Variants in TUFT1 observed in about 807,000 individuals in gnomAD.
The protein encoded by TUFT1 is tuftelin 1.
In TUFT1, 43 loss-of-function variants were observed where a neutral mutation model predicts 57.8. That is an observed-to-expected ratio of 0.74 (90% CI 0.58 to 0.96). TUFT1 has a LOEUF of 0.96. TUFT1 is among the 40% of genes least tolerant of loss of function. The pLI, the probability that TUFT1 is intolerant of heterozygous loss-of-function variation, is 0.00. For missense variants in TUFT1, 459 were observed against 489.0 expected (o/e 0.94, Z 0.58); for synonymous variants, 166 against 176.7 (o/e 0.94, Z 0.48).
chr1:151,567,880 G>GT (rs1288036811), intron 6 of TUFT1, among the ~76,000 whole-genome samples: 13 of 152,176 alleles, frequency 8.5e-5, no homozygotes, highest in South Asian at 6.2e-4. Flanking sequence ...GTGTTATTAT[G>GT]TTTTTTTGTG....
intron 1 of TUFT1, among the ~76,000 whole-genome samples, chr1:151,561,289 T>C (rs1389105048): frequency 1.3e-5 from 2 of 152,060 alleles, no homozygotes; most frequent in East Asian, 1.9e-4. Context: ...TGAGCCACCG[T>C]GCCCGGCCTT....
rs1226890433 is a variant in TUFT1 at position 151,563,978 on chromosome 1, G to C, written c.312G>C (p.Gln104His). ...KNINQLKSEV[Q>H]YIQEARNCLQ... ...TTAACCAGCTGAAGAGTGAGGTCCAGTACATCCAGGAGGTGGGCACCCCTT... is the reference window on the plus strand; with the variant it reads ...TTAACCAGCTGAAGAGTGAGGTCCACTACATCCAGGAGGTGGGCACCCCTT... The change falls in exon 4 of 13, where the codon CAG becomes CAC. Residue 104 changes from glutamine to histidine, a missense_variant. By Grantham distance (24) the Gln-to-His change is conservative. Transcript: ENST00000368849. 2 of 1,613,968 alleles carry C rather than the reference G, an allele frequency of 1.2e-6. No individual in the cohort carries two copies. Among genetic ancestry groups the C allele is most frequent in the Admixed American group, 3.3e-5 (2 of 59,988 alleles).
chr1:151,566,117 T>C (rs972907544), intron 5 of TUFT1, 46 bp from the exon 6 acceptor site: 9 of 1,397,036 alleles, frequency 6.4e-6, no homozygotes, highest in Admixed American at 2.0e-5. Flanking sequence ...TCAAAGTTGG[T>C]TGCTTTCATC....
chr1:151,555,210 T>C (rs1665647433), intron 1 of TUFT1, among the ~76,000 whole-genome samples: 1 of 150,888 alleles, frequency 6.6e-6, no homozygotes, highest in African/African-American at 2.4e-5. Flanking sequence ...ACACCTGTAA[T>C]CCCAGCTACT....
At chr1:151,576,552 G>A (rs541617203) in intron 9 of TUFT1, among the ~76,000 whole-genome samples, 1 of 152,260 alleles carries the variant, frequency 6.6e-6, no homozygotes, top group South Asian at 2.1e-4. Flanking sequence ...ATAAATTGGG[G>A]GTTCCCATAT....
intron 7 of TUFT1, among the ~76,000 whole-genome samples, chr1:151,573,520 G>A (rs893518020): frequency 2.6e-5 from 4 of 152,176 alleles, no homozygotes; most frequent in African/African-American, 4.8e-5. Flanking sequence ...CAAGGCGGGC[G>A]GATCACCTGA....
At chr1:151,549,203 T>C (rs1238782388) in intron 1 of TUFT1, among the ~76,000 whole-genome samples, 2 of 152,180 alleles carry the variant, frequency 1.3e-5, no homozygotes, top group African/African-American at 4.8e-5. Context: ...GAGTACCCAG[T>C]AGAGACCCCC....
chr1:151,557,629 G>A lies in TUFT1; in HGVS notation c.61-4462G>A, dbSNP rs1167630308. ...CCGAGGCTACGTGAAGGAACAGTTT[G>A]CCTGGAGACATTTCCACTGGTACGT... On this transcript the variant is annotated intron_variant, in intron 1 of 12. Coordinates refer to ENST00000368849, the MANE Select transcript of TUFT1 (RefSeq NM_020127.3). 15 of 1,052,552 alleles carry A rather than the reference G, an allele frequency of 1.4e-5. No homozygotes were observed. The Admixed American group carries it at 2.5e-4, about 18-fold the overall frequency. The allele number at this position is 1,052,552 out of a possible 1,614,324, so 65.2% of individuals were successfully genotyped here.
chr1:151,566,862 T>C (rs544679755), intron 6 of TUFT1, among the ~76,000 whole-genome samples: 2 of 152,288 alleles, frequency 1.3e-5, no homozygotes, highest in South Asian at 4.1e-4. Flanking sequence ...TCTACCTCAT[T>C]CTTTTGAATA....
At chr1:151,545,713 C>T (rs1046018155) in intron 1 of TUFT1, 24 of 407,962 alleles carry the variant, frequency 5.9e-5, no homozygotes, top group South Asian at 3.2e-4. Flanking sequence ...GTTTCTTTCT[C>T]GTTTCCTTGA....
chr1:151,553,839 T>C (rs1022150929), intron 1 of TUFT1, among the ~76,000 whole-genome samples: 4 of 152,128 alleles, frequency 2.6e-5, no homozygotes, highest in African/African-American at 9.7e-5. Context: ...ATCCATTTCA[T>C]GTTAGTCATT....
chr1:151,568,073 C>G lies in TUFT1; in HGVS notation c.481-1584C>G, dbSNP rs1282481839. On this transcript the variant is annotated intron_variant, in intron 6 of 12. Transcript: ENST00000368849. ...ATACATTGTACAGTATGTAGCATTTCTTTATAATTTTTTTTTTGTTTCTTT... is the reference window on the plus strand; with the variant it reads ...ATACATTGTACAGTATGTAGCATTTGTTTATAATTTTTTTTTTGTTTCTTT... Among the ~76,000 whole-genome samples the G allele has an allele frequency of 1.4e-4, 21 of 152,090 alleles. No homozygotes were observed. In the East Asian group the frequency reaches 4.0e-3, roughly 29 times the overall value.
At chr1:151,561,309 A>C (rs1490166011) in intron 1 of TUFT1, among the ~76,000 whole-genome samples, 2 of 152,006 alleles carry the variant, frequency 1.3e-5, no homozygotes, top group Non-Finnish European at 2.9e-5. Flanking sequence ...TTTTAAAAAA[A>C]TCTTCTTTGA....
chr1:151,562,829 T>G (rs900163790), intron 3 of TUFT1, 143 bp downstream of exon 3: 1 of 673,774 alleles, frequency 1.5e-6, no homozygotes, highest in African/African-American at 1.8e-5. Context: ...CCTGGCAATC[T>G]CCTAGAAATA....
rs1558014039 is a variant in TUFT1 at position 151,574,277 on chromosome 1, T to C, written c.602T>C (p.Leu201Pro). 6.2e-7 allele frequency: 1 copy of C among 1,613,892 alleles called. No homozygotes were observed. The change falls in exon 8 of 13, where the codon CTC becomes CCC. Residue 201 changes from leucine to proline, a missense_variant. By Grantham distance (98) the Leu-to-Pro change is moderately conservative. Transcript: ENST00000368849. Reference sequence around the variant, plus strand: ...TCCTGCTCCGTGTTTTAGGTCACACTCAGCCGGTACCAGAGGGAAGCAGAA... The same window carrying C: ...TCCTGCTCCGTGTTTTAGGTCACACCCAGCCGGTACCAGAGGGAAGCAGAA... The part of the protein sequence containing the change: ...QSDCVAFEVT[L>P]SRYQREAEQS...
intron 4 of TUFT1, 94 bp downstream of exon 4, chr1:151,564,084 C>T (rs1665987177): frequency 9.6e-7 from 1 of 1,040,692 alleles, no homozygotes; most frequent in Admixed American, 2.4e-5. Flanking sequence ...CTGGTTTTTC[C>T]CCTTCTTTTT....
At chr1:151,555,461 T>A (rs1665660066) in intron 1 of TUFT1, among the ~76,000 whole-genome samples, 1 of 137,094 alleles carries the variant, frequency 7.3e-6, no homozygotes, top group African/African-American at 2.6e-5. Context: ...GAATATTAAT[T>A]CCTTTTTTTT....
chr1:151,570,384 C>T (rs1666219328), intron 7 of TUFT1, among the ~76,000 whole-genome samples: 1 of 152,140 alleles, frequency 6.6e-6, no homozygotes, highest in Admixed American at 6.6e-5. Context: ...CGGATTCAAG[C>T]AATTCTCCTG....
intron 1 of TUFT1, chr1:151,558,007 A>G: frequency 2.2e-6 from 1 of 447,316 alleles, no homozygotes; most frequent in Non-Finnish European, 4.2e-6. Flanking sequence ...AAAAAAGAAA[A>G]CCTAAGAGGG....
Sources: gnomAD v4.1 joint callset for allele counts (sites outside exome capture counted in the v4.1 genomes callset) on GRCh38, gnomAD v4.1.1 for gene constraint, MANE v1.5 for transcripts, NCBI Gene and HGNC (gene_info 2026-07-23, HGNC 2026-07-21) for gene names.